The following MACROD2 variants were observed in gnomAD, a reference collection of about 807,000 sequenced individuals.
MACROD2 encodes the protein mono-ADP ribosylhydrolase 2.
MACROD2 carries 36 observed loss-of-function variants against 70.4 expected under a neutral mutation model. That is an observed-to-expected ratio of 0.51 (90% CI 0.39 to 0.68). The LOEUF is 0.68. Among genes scored for constraint, MACROD2 ranks in the 30% least tolerant of loss-of-function variants. The probability of loss-of-function intolerance (pLI) is 0.00; values close to 1 mark genes in which losing one functional copy is unlikely to be tolerated. For synonymous variants in MACROD2, 172 were observed against 178.8 expected, an observed-to-expected ratio of 0.96 and a Z score of 0.30; for missense variants, 496 against 538.4, an observed-to-expected ratio of 0.92 and a Z score of 0.78.
At chr20:14,709,253 TC>T (rs1231521065) in intron 5 of MACROD2, among the ~76,000 whole-genome samples, 1 of 152,082 alleles carries the variant, frequency 6.6e-6, no homozygotes, top group Admixed American at 6.5e-5. Flanking sequence ...AAAAATATAT[TC>T]CTGAGTTCTA....
chr20:14,859,085 G>A (rs1384064691), intron 5 of MACROD2, among the ~76,000 whole-genome samples: 2 of 151,992 alleles, frequency 1.3e-5, no homozygotes, highest in African/African-American at 4.8e-5. Flanking sequence ...GGGAAGGTTG[G>A]GAGGGGGGTG....
At chr20:14,429,824 C>T (rs1247091611) in intron 3 of MACROD2, among the ~76,000 whole-genome samples, 1 of 152,110 alleles carries the variant, frequency 6.6e-6, no homozygotes, top group Non-Finnish European at 1.5e-5. Context: ...GCCCTGCCTC[C>T]CCAGCCTCCT....
chr20:15,555,849 AAAAAAGGAAAAG>A, intron 8 of MACROD2, among the ~76,000 whole-genome samples: 1 of 146,776 alleles, frequency 6.8e-6, no homozygotes, highest in African/African-American at 2.6e-5. Context: ...AAAAAAAAAA[AAAAAAGGAAAAG>A]AAAAGAAAAG....
intron 8 of MACROD2, among the ~76,000 whole-genome samples, chr20:15,843,466 A>G (rs561327815): frequency 6.6e-6 from 1 of 152,344 alleles, no homozygotes; most frequent in East Asian, 1.9e-4. Context: ...TTGAAACAGC[A>G]TAATAAAGTG....
At chr20:15,564,488 T>C (rs964409947) in intron 8 of MACROD2, among the ~76,000 whole-genome samples, 8 of 152,214 alleles carry the variant, frequency 5.3e-5, no homozygotes, top group Non-Finnish European at 1.0e-4. Flanking sequence ...TCTTTTTTAT[T>C]GTACCTCTGA....
intron 5 of MACROD2, among the ~76,000 whole-genome samples, chr20:14,717,930 C>A (rs984501585): frequency 2.0e-5 from 3 of 151,978 alleles, no homozygotes; most frequent in Non-Finnish European, 4.4e-5. Flanking sequence ...AGCACAGAAT[C>A]CAAGGTGGTG....
chr20:14,320,708 T>A (rs111953369), intron 3 of MACROD2, among the ~76,000 whole-genome samples: 2,820 of 147,320 alleles, frequency 0.019, 85 homozygotes, highest in African/African-American at 0.069. Context: ...ATGCCTAGCC[T>A]TCATCTGGGA....
At chr20:14,610,473 T>G (rs1983088407) in intron 4 of MACROD2, among the ~76,000 whole-genome samples, 2 of 152,078 alleles carry the variant, frequency 1.3e-5, no homozygotes, top group African/African-American at 4.8e-5. Flanking sequence ...TGAGGTTTCT[T>G]TTTTACCCAC....
intron 8 of MACROD2, among the ~76,000 whole-genome samples, chr20:15,685,903 A>G (rs1312219546): frequency 2.6e-5 from 4 of 152,160 alleles, no homozygotes; most frequent in African/African-American, 9.7e-5. Flanking sequence ...TTAGGCCTTG[A>G]TTTCCTCCTA....
intron 6 of MACROD2, among the ~76,000 whole-genome samples, chr20:15,248,363 G>T (rs574694342): frequency 3.3e-5 from 5 of 152,176 alleles, no homozygotes; most frequent in Admixed American, 2.6e-4. Context: ...TCAGCTTCCA[G>T]GACACCACTC....
At chr20:15,649,232 T>TC (rs2049607160) in intron 8 of MACROD2, among the ~76,000 whole-genome samples, 1 of 144,890 alleles carries the variant, frequency 6.9e-6, no homozygotes, top group African/African-American at 2.6e-5. Context: ...CTTTCTTTCT[T>TC]TCTTTCTTTC....
chr20:15,738,460 T>C (rs933112040), intron 8 of MACROD2, among the ~76,000 whole-genome samples: 1 of 152,062 alleles, frequency 6.6e-6, no homozygotes, highest in Non-Finnish European at 1.5e-5. Context: ...TTTAATGATA[T>C]AGATAGGTCT....
chr20:15,380,851 A>G (rs2045633565), intron 6 of MACROD2, among the ~76,000 whole-genome samples: 5 of 152,214 alleles, frequency 3.3e-5, no homozygotes, highest in African/African-American at 9.6e-5. Flanking sequence ...CACAAAAATC[A>G]AAGAAATATT....
intron 3 of MACROD2, among the ~76,000 whole-genome samples, chr20:14,393,264 A>G (rs781256380): frequency 6.6e-6 from 1 of 152,162 alleles, no homozygotes; most frequent in Non-Finnish European, 1.5e-5. Flanking sequence ...GAATATTGAT[A>G]TGGAGTCTCT....
chr20:14,396,717 A>C (rs1394933933), intron 3 of MACROD2, among the ~76,000 whole-genome samples: 2 of 151,940 alleles, frequency 1.3e-5, no homozygotes, highest in African/African-American at 4.8e-5. Flanking sequence ...CGAGGTCAGG[A>C]GATCAAGACC....
At chr20:14,246,423 C>T (rs901262242) in intron 3 of MACROD2, among the ~76,000 whole-genome samples, 1 of 152,142 alleles carries the variant, frequency 6.6e-6, no homozygotes, top group African/African-American at 2.4e-5. Context: ...GAAATTCCTC[C>T]CTCTATTTAA....
chr20:15,474,532 T>C (rs2046997391), intron 7 of MACROD2, among the ~76,000 whole-genome samples: 1 of 152,238 alleles, frequency 6.6e-6, no homozygotes, highest in African/African-American at 2.4e-5. Context: ...GAATGCCTAA[T>C]GTACTCCCAT....
intron 5 of MACROD2, among the ~76,000 whole-genome samples, chr20:15,032,966 G>A (rs2075286760): frequency 6.6e-6 from 1 of 152,184 alleles, no homozygotes; most frequent in South Asian, 2.1e-4. Flanking sequence ...CAATAACCCA[G>A]ACACAAAAGG....
At position 15,934,122 on chromosome 20, in the gene MACROD2, G is replaced by C. The variant is rs888212117; in HGVS notation, c.838+784G>C. ...CAAAAAAATAAAAATAAAAATCCCT[G>C]TTCCCTTTAGTTTCCCAGTTATTCT... On this transcript the variant is annotated intron_variant, in intron 11 of 17. Coordinates refer to ENST00000684519, the MANE Select transcript of MACROD2 (RefSeq NM_001351661.2). Among the ~76,000 whole-genome samples the C allele has an allele frequency of 2.6e-5, 4 of 152,250 alleles. No individual in the cohort carries two copies. The South Asian group carries it at 6.2e-4, about 24-fold the overall frequency.
Sources: allele counts gnomAD v4.1 joint callset (sites outside exome capture counted in the v4.1 genomes callset), GRCh38; gene constraint gnomAD v4.1.1; transcripts MANE v1.5; gene names NCBI Gene and HGNC (gene_info 2026-07-23, HGNC 2026-07-21).